CMIP: variants seen among roughly 807,000 people sequenced by gnomAD.
CMIP encodes the protein C-Maf-inducing protein.
A neutral mutation model predicts 97.3 loss-of-function variants in CMIP; 13 were observed. The ratio of observed to expected loss-of-function variants is 0.13; its 90% CI spans 0.09 to 0.21. The LOEUF is 0.21. Ranked by LOEUF, CMIP falls within the 10% of genes least tolerant of loss-of-function variation. The probability of loss-of-function intolerance (pLI) is 1.00; values close to 1 mark genes in which losing one functional copy is unlikely to be tolerated. For synonymous variants in CMIP, 538 were observed against 436.3 expected, an observed-to-expected ratio of 1.23 and a Z score of -2.91; for missense variants, 847 against 1,024.9, an observed-to-expected ratio of 0.83 and a Z score of 2.37.
At chr16:81,705,460 A>G (rs1908026129) in intron 18 of CMIP, 39 bp from the exon 19 acceptor site, 1 of 1,416,482 alleles carries the variant, frequency 7.1e-7, no homozygotes, top group African/African-American at 1.4e-5. Flanking sequence ...CTTCCCCAGG[A>G]GTGGCCGGGA....
Position 81,640,629 on chromosome 16 carries a change from T to C in CMIP, c.478-11574T>C, listed in dbSNP as rs118096570. ...CAGGGCCACATTGCTTCTGAGACTC[T>C]AGGGGAGGGCCTTTTCCTTGCCTCA... On this transcript the variant is annotated intron_variant, in intron 3 of 20. Coordinates refer to ENST00000537098, the MANE Select transcript of CMIP (RefSeq NM_198390.3). 5.7e-3 allele frequency among the ~76,000 whole-genome samples: 875 copies of C among 152,254 alleles called. 6 individuals are homozygous for C. Among genetic ancestry groups the C allele is most frequent in the Middle Eastern group, 0.01 (3 of 294 alleles).
chr16:81,563,362 G>T (rs1206817725), intron 1 of CMIP, among the ~76,000 whole-genome samples: 1 of 152,210 alleles, frequency 6.6e-6, no homozygotes, highest in Non-Finnish European at 1.5e-5. Context: ...GTGGACTCCA[G>T]GCAAGTCACA....
intron 1 of CMIP, among the ~76,000 whole-genome samples, chr16:81,537,072 G>C (rs1452608000): frequency 2.6e-5 from 4 of 152,158 alleles, no homozygotes. Flanking sequence ...ATATTAGTGT[G>C]ACTTTAAGAG....
intron 15 of CMIP, among the ~76,000 whole-genome samples, chr16:81,700,804 G>A (rs1209978230): frequency 1.3e-5 from 2 of 152,200 alleles, no homozygotes; most frequent in Non-Finnish European, 2.9e-5. Flanking sequence ...AAGAGGTCTG[G>A]GATGTGGCTG....
chr16:81,690,683 G>A (rs1262971385), intron 10 of CMIP, among the ~76,000 whole-genome samples: 4 of 152,208 alleles, frequency 2.6e-5, no homozygotes, highest in Non-Finnish European at 5.9e-5. Context: ...CCAGCACTTT[G>A]GGAGGCTGAG....
intron 1 of CMIP, among the ~76,000 whole-genome samples, chr16:81,552,031 G>GCT (rs1232449757): frequency 1.3e-5 from 2 of 152,224 alleles, no homozygotes; most frequent in Non-Finnish European, 2.9e-5. Context: ...CGGCGGCAGG[G>GCT]GCAGGGAGGA....
intron 1 of CMIP, among the ~76,000 whole-genome samples, chr16:81,527,745 C>T (rs1422832605): frequency 2.6e-5 from 4 of 152,224 alleles, no homozygotes; most frequent in African/African-American, 9.6e-5. Flanking sequence ...TGTTTGTGAG[C>T]TTCATCTACA....
At chr16:81,581,078 C>A (rs1441719077) in intron 1 of CMIP, among the ~76,000 whole-genome samples, 1 of 152,162 alleles carries the variant, frequency 6.6e-6, no homozygotes, top group Admixed American at 6.5e-5. Flanking sequence ...TGTCAGGGTT[C>A]TTCCGTGTTG....
intron 1 of CMIP, among the ~76,000 whole-genome samples, chr16:81,515,555 C>T (rs2089896450): frequency 6.6e-6 from 1 of 152,154 alleles, no homozygotes; most frequent in Admixed American, 6.5e-5. Context: ...CGTGTTTCGT[C>T]AGCCCAAGAG....
chr16:81,668,579 G>A (rs1481311064), intron 7 of CMIP, among the ~76,000 whole-genome samples: 1 of 152,130 alleles, frequency 6.6e-6, no homozygotes. Context: ...TCCTTGACCT[G>A]GCCCCTTGAC....
intron 1 of CMIP, among the ~76,000 whole-genome samples, chr16:81,561,817 C>G (rs2090889420): frequency 6.6e-6 from 1 of 152,206 alleles, no homozygotes; most frequent in East Asian, 1.9e-4. Flanking sequence ...TTCAGTTCCT[C>G]AGTTTCAGTA....
At chr16:81,525,832 T>A (rs1370208133) in intron 1 of CMIP, among the ~76,000 whole-genome samples, 1 of 152,248 alleles carries the variant, frequency 6.6e-6, no homozygotes, top group Non-Finnish European at 1.5e-5. Flanking sequence ...TGCATTTGAC[T>A]CCTCTAGGAA....
intron 1 of CMIP, among the ~76,000 whole-genome samples, chr16:81,541,050 T>G (rs575687601): frequency 6.6e-6 from 1 of 152,068 alleles, no homozygotes; most frequent in Non-Finnish European, 1.5e-5. Context: ...AACCCCTCTG[T>G]TAAGTCTTGA....
At chr16:81,471,284 G>A (rs1907523620) in intron 1 of CMIP, among the ~76,000 whole-genome samples, 1 of 151,886 alleles carries the variant, frequency 6.6e-6, no homozygotes, top group Non-Finnish European at 1.5e-5. Flanking sequence ...TGTACACACA[G>A]GCACAATATA....
intron 1 of CMIP, among the ~76,000 whole-genome samples, chr16:81,594,839 C>T (rs1185269519): frequency 1.4e-5 from 2 of 143,558 alleles, no homozygotes; most frequent in South Asian, 4.5e-4. Context: ...AGCATGTTAG[C>T]CAGAATGGTC....
chr16:81,516,816 ACATAC>A (rs1255714648), intron 1 of CMIP, among the ~76,000 whole-genome samples: 1 of 152,222 alleles, frequency 6.6e-6, no homozygotes, highest in African/African-American at 2.4e-5. Context: ...TTGCATAGAC[ACATAC>A]CCAAGTATGT....
intron 2 of CMIP, among the ~76,000 whole-genome samples, chr16:81,613,709 G>A (rs938605564): frequency 6.6e-6 from 1 of 152,210 alleles, no homozygotes; most frequent in African/African-American, 2.4e-5. Context: ...CAGAGCTGAA[G>A]AGTTCTTTTG....
At chr16:81,640,287 C>G (rs1298331468) in intron 3 of CMIP, among the ~76,000 whole-genome samples, 8 of 19,572 alleles carry the variant, frequency 4.1e-4, no homozygotes, top group Non-Finnish European at 1.0e-3. Context: ...GGACATCAGG[C>G]CCCCCCCCCC....
chr16:81,516,062 C>G lies in CMIP; in HGVS notation c.300+70521C>G, dbSNP rs116031953. Among the ~76,000 whole-genome samples, 312 of 152,336 alleles carry G rather than the reference C, an allele frequency of 2.0e-3. 1 individual carries two copies. Among genetic ancestry groups the G allele is most frequent in the African/African-American group, 7.0e-3 (293 of 41,576 alleles). On this transcript the variant is annotated intron_variant, in intron 1 of 20. Coordinates refer to ENST00000537098, the MANE Select transcript of CMIP (RefSeq NM_198390.3). The stretch of plus-strand genomic sequence containing the variant: ...GGGGCAGCTTCCTGCTGTTGCTAAT[C>G]TCTGGGTTGCTCCATTGCCCCCGTT...
Sources: allele counts gnomAD v4.1 joint callset (sites outside exome capture counted in the v4.1 genomes callset), GRCh38; gene constraint gnomAD v4.1.1; transcripts MANE v1.5; gene names NCBI Gene and HGNC (gene_info 2026-07-23, HGNC 2026-07-21).